The following NCAM2 variants were observed in gnomAD, a reference collection of about 807,000 sequenced individuals.
NCAM2 encodes neural cell adhesion molecule 2.
In NCAM2, 30 loss-of-function variants were observed where a neutral mutation model predicts 98.1. That is an observed-to-expected ratio of 0.31 (90% confidence interval 0.23 to 0.41). The LOEUF is 0.41. Among genes scored for constraint, NCAM2 ranks in the 10% least tolerant of loss-of-function variants. NCAM2 has a pLI of 1.00. For missense variants in NCAM2, 867 were observed against 1,005.8 expected, an observed-to-expected ratio of 0.86 and a Z score of 1.87; for synonymous variants, 368 against 342.4, an observed-to-expected ratio of 1.07 and a Z score of -0.83.
chr21:21,025,930 G>T (rs537572680), intron 1 of NCAM2, among the ~76,000 whole-genome samples: 3 of 152,342 alleles, frequency 2.0e-5, no homozygotes, highest in African/African-American at 7.2e-5. Context: ...TTGATGTGAA[G>T]ATAGAGTTTA....
At chr21:21,238,614 G>A (rs553266508) in intron 1 of NCAM2, among the ~76,000 whole-genome samples, 3 of 41,596 alleles carry the variant, frequency 7.2e-5, no homozygotes, top group Non-Finnish European at 4.4e-5. Context: ...AGAGAATATG[G>A]TGTGCCAATA....
At chr21:21,089,026 G>A (rs1333356864) in intron 1 of NCAM2, among the ~76,000 whole-genome samples, 2 of 151,244 alleles carry the variant, frequency 1.3e-5, no homozygotes. Flanking sequence ...CAGGCTTCAG[G>A]GATCATAGGT....
intron 1 of NCAM2, among the ~76,000 whole-genome samples, chr21:21,153,125 T>C (rs1274114025): frequency 1.3e-5 from 2 of 151,540 alleles, no homozygotes. Context: ...TGAAAGGGAT[T>C]GTCTGGAGTC....
chr21:21,445,960 T>C (rs1158153440), intron 12 of NCAM2, among the ~76,000 whole-genome samples: 4 of 152,174 alleles, frequency 2.6e-5, no homozygotes, highest in African/African-American at 9.6e-5. Flanking sequence ...GTTTTTGCAG[T>C]GGCTGGTACC....
intron 16 of NCAM2, among the ~76,000 whole-genome samples, chr21:21,531,560 T>C (rs1255788974): frequency 6.6e-6 from 1 of 152,096 alleles, no homozygotes; most frequent in East Asian, 1.9e-4. Context: ...TTAAACATTA[T>C]GCTATGCTTG....
At chr21:21,215,953 T>C (rs1176670127) in intron 1 of NCAM2, among the ~76,000 whole-genome samples, 1 of 152,140 alleles carries the variant, frequency 6.6e-6, no homozygotes, top group Non-Finnish European at 1.5e-5. Context: ...TGAGCTGAAT[T>C]CGAATGCTGA....
chr21:21,337,296 A>G (rs2074898045), intron 7 of NCAM2, among the ~76,000 whole-genome samples: 1 of 147,912 alleles, frequency 6.8e-6, no homozygotes, highest in Non-Finnish European at 1.5e-5. Flanking sequence ...AACATAATAC[A>G]TGAAAATTTT....
At chr21:21,088,084 A>G (rs2065939024) in intron 1 of NCAM2, among the ~76,000 whole-genome samples, 1 of 152,216 alleles carries the variant, frequency 6.6e-6, no homozygotes, top group Non-Finnish European at 1.5e-5. Context: ...TATGGCTAGT[A>G]TATGATGCTA....
intron 1 of NCAM2, among the ~76,000 whole-genome samples, chr21:21,247,968 T>G (rs1274089118): frequency 2.0e-5 from 3 of 152,142 alleles, no homozygotes; most frequent in African/African-American, 7.2e-5. Context: ...GACTTTAAAT[T>G]CCTGTAGTTG....
chr21:21,143,656 A>AT (rs1268344780), intron 1 of NCAM2, among the ~76,000 whole-genome samples: 2 of 151,812 alleles, frequency 1.3e-5, no homozygotes, highest in East Asian at 1.9e-4. Flanking sequence ...TTATTTAAGT[A>AT]TTTTTTTCCC....
chr21:21,535,929 G>C (rs192178675), intron 17 of NCAM2, among the ~76,000 whole-genome samples: 4 of 152,168 alleles, frequency 2.6e-5, no homozygotes, highest in Admixed American at 1.3e-4. Context: ...TTTGGTGAAA[G>C]CACTGGGTCA....
At chr21:21,171,452 ACTCAGAGG>A (rs2068122037) in intron 1 of NCAM2, among the ~76,000 whole-genome samples, 1 of 152,132 alleles carries the variant, frequency 6.6e-6, no homozygotes, top group Non-Finnish European at 1.5e-5. Context: ...ACTGTGAGGT[ACTCAGAGG>A]TAAATAAATT....
At chr21:21,246,034 CAAAT>C (rs2071257004) in intron 1 of NCAM2, among the ~76,000 whole-genome samples, 1 of 152,170 alleles carries the variant, frequency 6.6e-6, no homozygotes, top group Non-Finnish European at 1.5e-5. Context: ...TTACTTCTGA[CAAAT>C]AAATTATAGC....
intron 17 of NCAM2, among the ~76,000 whole-genome samples, chr21:21,536,200 T>C (rs1336576569): frequency 6.6e-6 from 1 of 152,098 alleles, no homozygotes; most frequent in Non-Finnish European, 1.5e-5. Context: ...CAGCAATGGA[T>C]ATTACTAGTT....
At chr21:21,338,745 A>T (rs1315919414) in intron 8 of NCAM2, among the ~76,000 whole-genome samples, 1 of 152,154 alleles carries the variant, frequency 6.6e-6, no homozygotes, top group Non-Finnish European at 1.5e-5. Context: ...GATGTTCTTT[A>T]TTAAGTCACA....
chr21:21,295,797 C>A (rs528720029), intron 5 of NCAM2, among the ~76,000 whole-genome samples: 2 of 151,196 alleles, frequency 1.3e-5, no homozygotes, highest in African/African-American at 2.4e-5. Flanking sequence ...CACACACACA[C>A]AAAAACAGAC....
chr21:21,371,865 GCACACACACA>G (rs5842919), intron 8 of NCAM2, among the ~76,000 whole-genome samples: 8 of 148,380 alleles, frequency 5.4e-5, no homozygotes, highest in Non-Finnish European at 7.5e-5. Flanking sequence ...AAATGCGCGT[GCACACACACA>G]CACACACACA....
At chr21:20,999,962 A>G (rs1039006914) in intron 1 of NCAM2, among the ~76,000 whole-genome samples, 1 of 152,224 alleles carries the variant, frequency 6.6e-6, no homozygotes, top group Non-Finnish European at 1.5e-5. Context: ...ATCAGTATGC[A>G]AATGTTGGAT....
intron 1 of NCAM2, among the ~76,000 whole-genome samples, chr21:21,091,640 C>T (rs935987674): frequency 2.6e-5 from 4 of 151,994 alleles, no homozygotes; most frequent in Admixed American, 2.0e-4. Flanking sequence ...TTACATGGAT[C>T]CTTTACTGAG....
Sources: allele counts gnomAD v4.1 joint callset (sites outside exome capture counted in the v4.1 genomes callset), GRCh38; gene constraint gnomAD v4.1.1; transcripts MANE v1.5; gene names NCBI Gene and HGNC (gene_info 2026-07-23, HGNC 2026-07-21).